Variants in SLMAP observed in about 807,000 individuals in gnomAD.
SLMAP encodes sarcolemmal membrane-associated protein.
In SLMAP, 44 loss-of-function variants were observed where a neutral mutation model predicts 128.8. That is an observed-to-expected ratio of 0.34 (90% CI 0.27 to 0.44). The LOEUF is 0.44. Among genes scored for constraint, SLMAP ranks in the 20% least tolerant of loss-of-function variants. The probability of loss-of-function intolerance (pLI) is 1.00; values close to 1 mark genes in which losing one functional copy is unlikely to be tolerated. For synonymous variants in SLMAP, 327 were observed against 348.8 expected (o/e 0.94, Z 0.70); for missense variants, 787 against 985.3 (o/e 0.80, Z 2.69).
chr3:57,926,276 G>T, intron 24 of SLMAP: 1 of 207,636 alleles, frequency 4.8e-6, no homozygotes, highest in Non-Finnish European at 9.6e-6. Context: ...TGTTTAATCA[G>T]ATTTGAATGA....
intron 6 of SLMAP, among the ~76,000 whole-genome samples, chr3:57,854,036 TGTATATA>T (rs1244586411): frequency 0.027 from 2,251 of 81,970 alleles, 67 homozygotes; most frequent in Admixed American, 0.058. Flanking sequence ...ATATATAATG[TGTATATA>T]TATACACATA....
chr3:57,915,169 A>T (rs1215355170), intron 21 of SLMAP, among the ~76,000 whole-genome samples: 1 of 152,162 alleles, frequency 6.6e-6, no homozygotes, highest in Non-Finnish European at 1.5e-5. Flanking sequence ...CCCTCGGCCG[A>T]AAGTATTGAT....
chr3:57,890,083 A>C lies in SLMAP; in HGVS notation c.1343A>C (p.Glu448Ala), dbSNP rs755917730. The change falls in exon 15 of 25, where the codon GAA becomes GCA. Residue 448 changes from glutamate to alanine, a missense_variant. This residue lies in a region of SLMAP where 715 missense variants were observed against 843.6 expected (regional missense o/e 0.85). Coordinates refer to ENST00000671191, the MANE Select transcript of SLMAP (RefSeq NM_001377540.1). ...VEGHLTKAVE[E>A]TKLSKENQTR... ...GGGCATCTAACCAAAGCGGTAGAAGAAACAAAGCTTTCAAAAGGTTTGTTT... is the reference window on the plus strand; with the variant it reads ...GGGCATCTAACCAAAGCGGTAGAAGCAACAAAGCTTTCAAAAGGTTTGTTT... 1 of 1,613,928 alleles carries C rather than the reference A, an allele frequency of 6.2e-7. No individual in the cohort carries two copies. The highest frequency in any genetic ancestry group is 8.5e-7 in the Non-Finnish European group (1 of 1,179,928).
At chr3:57,885,904 C>T (rs2095873009) in intron 14 of SLMAP, among the ~76,000 whole-genome samples, 1 of 148,922 alleles carries the variant, frequency 6.7e-6, no homozygotes, top group Non-Finnish European at 1.5e-5. Flanking sequence ...CTGCCTCAGC[C>T]TCCTGAGTAG....
intron 2 of SLMAP, among the ~76,000 whole-genome samples, chr3:57,830,885 A>G (rs768960190): frequency 1.3e-5 from 2 of 152,174 alleles, no homozygotes; most frequent in Admixed American, 6.5e-5. Context: ...ACGTTCATTC[A>G]TGTTATAGCA....
chr3:57,897,227 C>A, intron 17 of SLMAP: 1 of 629,890 alleles, frequency 1.6e-6, no homozygotes, highest in Non-Finnish European at 2.3e-6. Context: ...AATTTATTAG[C>A]GCTTTTAACA....
intron 12 of SLMAP, 71 bp downstream of exon 12, chr3:57,864,928 C>A: frequency 8.6e-7 from 1 of 1,163,028 alleles, no homozygotes; most frequent in Non-Finnish European, 1.2e-6. Context: ...TTTACTGTCT[C>A]ACACTGCATT....
intron 14 of SLMAP, among the ~76,000 whole-genome samples, chr3:57,883,746 TTTC>T (rs2153637199): frequency 6.6e-6 from 1 of 152,216 alleles, no homozygotes; most frequent in South Asian, 2.1e-4. Context: ...GGGTTTCCAC[TTTC>T]TCTTTTCTGA....
intron 2 of SLMAP, among the ~76,000 whole-genome samples, chr3:57,817,564 A>G (rs772722109): frequency 6.6e-6 from 1 of 152,242 alleles, no homozygotes; most frequent in African/African-American, 2.4e-5. Context: ...AGAATTTGCC[A>G]TATTCATGAG....
In SLMAP at chr3:57,801,805, G is replaced by A. The variant is rs369009233; in HGVS notation, c.199-29578G>A. Among the ~76,000 whole-genome samples the A allele has an allele frequency of 3.3e-5, 5 of 151,958 alleles. No individual in the cohort carries two copies. The South Asian group carries it at 6.2e-4, about 19-fold the overall frequency. On this transcript the variant is annotated intron_variant, in intron 2 of 24. Transcript: ENST00000671191. ...GTATGCCTTGCCAAACTACTTTCCA[G>A]TAGTTTGTGCCAGTTGGCACAACAG...
intron 2 of SLMAP, among the ~76,000 whole-genome samples, chr3:57,767,916 A>G (rs977598453): frequency 1.3e-5 from 2 of 152,226 alleles, no homozygotes; most frequent in Admixed American, 6.5e-5. Context: ...TTGTCATATT[A>G]CGGACTTTCA....
chr3:57,779,337 A>G (rs563319571), intron 2 of SLMAP, among the ~76,000 whole-genome samples: 11 of 151,826 alleles, frequency 7.2e-5, no homozygotes, highest in Non-Finnish European at 1.5e-4. Flanking sequence ...GCGAAACTCC[A>G]TCTCTACAAA....
At chr3:57,832,145 G>C (rs1324552718) in intron 3 of SLMAP, among the ~76,000 whole-genome samples, 1 of 152,094 alleles carries the variant, frequency 6.6e-6, no homozygotes, top group African/African-American at 2.4e-5. Flanking sequence ...TGGCCACATG[G>C]GTAGATCGCA....
chr3:57,838,991 C>G (rs116510071), intron 3 of SLMAP, among the ~76,000 whole-genome samples: 1,928 of 152,126 alleles, frequency 0.013, 29 homozygotes, highest in African/African-American at 0.044. Context: ...GAGACAGGGT[C>G]TTGCCCAGCT....
intron 21 of SLMAP, 130 bp downstream of exon 21, chr3:57,913,405 T>C (rs930140220): frequency 1.9e-6 from 1 of 524,720 alleles, no homozygotes; most frequent in Non-Finnish European, 3.4e-6. Flanking sequence ...TGTTTGGCTA[T>C]TTGGCAGGTT....
chr3:57,912,248 C>T (rs750026239), intron 19 of SLMAP, 133 bp from the exon 20 acceptor site: 99 of 637,130 alleles, frequency 1.6e-4, no homozygotes, highest in Admixed American at 1.5e-4. Flanking sequence ...CTTTCTGCAT[C>T]AAACGTGGAT....
At chr3:57,767,178 C>G (rs534326339) in intron 2 of SLMAP, among the ~76,000 whole-genome samples, 1 of 152,270 alleles carries the variant, frequency 6.6e-6, no homozygotes, top group South Asian at 2.1e-4. Flanking sequence ...CTCAGCCTCC[C>G]AAAGTGCTGG....
At chr3:57,854,443 C>G (rs1398928264) in intron 6 of SLMAP, among the ~76,000 whole-genome samples, 1 of 151,860 alleles carries the variant, frequency 6.6e-6, no homozygotes, top group Non-Finnish European at 1.5e-5. Context: ...ACAAAAAATA[C>G]AAAAATTAGC....
intron 17 of SLMAP, chr3:57,899,395 G>A (rs981714838): frequency 2.0e-5 from 3 of 152,166 alleles, no homozygotes; most frequent in African/African-American, 7.2e-5. Flanking sequence ...ATGAAGATGG[G>A]TCAGAGTTTC....
Sources: allele counts gnomAD v4.1 joint callset (sites outside exome capture counted in the v4.1 genomes callset), GRCh38; gene constraint gnomAD v4.1.1; regional missense constraint gnomAD v4.1.1; transcripts MANE v1.5; gene names NCBI Gene and HGNC (gene_info 2026-07-23, HGNC 2026-07-21).